LMNTD1: variants seen among roughly 807,000 people sequenced by gnomAD.
LMNTD1 encodes the protein lamin tail domain-containing protein 1.
In LMNTD1, 35 loss-of-function variants were observed where a neutral mutation model predicts 50.9. The observed-to-expected ratio is 0.69, with a 90% CI of 0.53 to 0.91. LMNTD1 has a LOEUF of 0.91. Among genes scored for constraint, LMNTD1 ranks in the 40% least tolerant of loss-of-function variants. LMNTD1 has a pLI of 0.00. For missense variants in LMNTD1, 470 were observed against 475.5 expected (o/e 0.99, Z 0.11); for synonymous variants, 153 against 161.9 (o/e 0.94, Z 0.42).
chr12:25,603,903 G>A (rs1946036277), intron 1 of LMNTD1, among the ~76,000 whole-genome samples: 1 of 151,758 alleles, frequency 6.6e-6, no homozygotes, highest in African/African-American at 2.4e-5. Context: ...TGCAAGTCAG[G>A]GAAATTGTAG....
chr12:25,481,591 T>C (rs1311153344), intron 9 of LMNTD1, among the ~76,000 whole-genome samples: 1 of 151,968 alleles, frequency 6.6e-6, no homozygotes, highest in Non-Finnish European at 1.5e-5. Flanking sequence ...AATGCTGCCA[T>C]ATTTTGGGAA....
intron 4 of LMNTD1, among the ~76,000 whole-genome samples, chr12:25,535,887 A>G (rs1942544663): frequency 6.6e-6 from 1 of 152,186 alleles, no homozygotes; most frequent in African/African-American, 2.4e-5. Context: ...ATGGAAAAAT[A>G]TATACCATGC....
intron 4 of LMNTD1, among the ~76,000 whole-genome samples, chr12:25,533,870 T>C (rs1160001194): frequency 1.3e-5 from 2 of 152,184 alleles, no homozygotes; most frequent in African/African-American, 4.8e-5. Context: ...GCCTCAAAAT[T>C]GTTTTAAACC....
intron 9 of LMNTD1, among the ~76,000 whole-genome samples, chr12:25,477,771 A>C (rs1411766955): frequency 6.6e-6 from 1 of 152,088 alleles, no homozygotes; most frequent in Non-Finnish European, 1.5e-5. Flanking sequence ...AAGGGATACC[A>C]TATATATACA....
At chr12:25,607,979 G>T (rs1246393430) in intron 1 of LMNTD1, among the ~76,000 whole-genome samples, 1 of 152,182 alleles carries the variant, frequency 6.6e-6, no homozygotes, top group Non-Finnish European at 1.5e-5. Context: ...AAGTCTCTTT[G>T]TAGGTCTCTC....
chr12:25,554,871 C>G (rs772552623), upstream of LMNTD1, among the ~76,000 whole-genome samples: 6 of 152,046 alleles, frequency 3.9e-5, no homozygotes, highest in Non-Finnish European at 7.4e-5. Flanking sequence ...CAAGACCAGT[C>G]TGGCCAACAT....
chr12:25,480,172 T>G (rs533572120), intron 9 of LMNTD1, among the ~76,000 whole-genome samples: 108 of 152,356 alleles, frequency 7.1e-4, no homozygotes, highest in Non-Finnish European at 4.4e-4. Context: ...CCAGACTTAT[T>G]CACACCTTCT....
At chr12:25,603,506 A>T (rs952538759) in intron 1 of LMNTD1, among the ~76,000 whole-genome samples, 10 of 152,042 alleles carry the variant, frequency 6.6e-5, no homozygotes, top group African/African-American at 2.4e-4. Flanking sequence ...TTAATTAGGA[A>T]ATAAGTTCTA....
At chr12:25,622,244 A>G (rs1211590112) in intron 1 of LMNTD1, among the ~76,000 whole-genome samples, 1 of 152,088 alleles carries the variant, frequency 6.6e-6, no homozygotes, top group Non-Finnish European at 1.5e-5. Context: ...GTATGATAAA[A>G]ACACTCAATA....
chr12:25,585,033 T>A (rs1945460888), intron 1 of LMNTD1, among the ~76,000 whole-genome samples: 1 of 152,244 alleles, frequency 6.6e-6, no homozygotes, highest in Non-Finnish European at 1.5e-5. Context: ...GCTGATTTTT[T>A]AATAAAGGGT....
intron 1 of LMNTD1, among the ~76,000 whole-genome samples, chr12:25,613,776 GAGAGAAAGTATTTGGAAAT>G (rs145634389): frequency 0.49 from 74,359 of 151,930 alleles, 21,726 homozygotes; most frequent in Non-Finnish European, 0.67. Context: ...ACATTGGAAA[GAGAGAAAGTATTTGGAAAT>G]ACTTTCACTT....
At chr12:25,525,977 AT>A (rs2136080503) in intron 6 of LMNTD1, 121 bp downstream of exon 6, 1 of 625,926 alleles carries the variant, frequency 1.6e-6, no homozygotes, top group Non-Finnish European at 2.3e-6. Context: ...CATAAAGTCA[AT>A]TTTACTGACA....
intron 9 of LMNTD1, among the ~76,000 whole-genome samples, chr12:25,496,978 G>C (rs987614578): frequency 6.6e-6 from 1 of 151,798 alleles, no homozygotes; most frequent in Admixed American, 6.6e-5. Flanking sequence ...TTTGTGTATG[G>C]CTTATCTCAT....
intron 1 of LMNTD1, among the ~76,000 whole-genome samples, chr12:25,639,184 A>G (rs1946899111): frequency 6.6e-6 from 1 of 152,206 alleles, no homozygotes; most frequent in African/African-American, 2.4e-5. Context: ...TCATAGACCT[A>G]TATGTAAGAG....
intron 4 of LMNTD1, among the ~76,000 whole-genome samples, chr12:25,527,885 AG>A (rs919683516): frequency 6.6e-6 from 1 of 151,638 alleles, no homozygotes. Context: ...TTTGAAGCAA[AG>A]CCTGGTCCAA....
chr12:25,598,849 G>A (rs1254236901), intron 1 of LMNTD1, among the ~76,000 whole-genome samples: 1 of 151,756 alleles, frequency 6.6e-6, no homozygotes, highest in Non-Finnish European at 1.5e-5. Context: ...CAAAATTGAA[G>A]CCATAAAAAA....
intron 8 of LMNTD1, among the ~76,000 whole-genome samples, chr12:25,510,082 G>A (rs970224202): frequency 5.3e-5 from 8 of 152,050 alleles, no homozygotes; most frequent in African/African-American, 1.7e-4. Context: ...AGACAACATC[G>A]GTATTATTTT....
At chr12:25,551,949 T>C (rs1442835711) in intron 2 of LMNTD1, among the ~76,000 whole-genome samples, 1 of 152,240 alleles carries the variant, frequency 6.6e-6, no homozygotes, top group Non-Finnish European at 1.5e-5. Context: ...AGCTCAAGTC[T>C]AGCATTTCAA....
intron 1 of LMNTD1, among the ~76,000 whole-genome samples, chr12:25,605,334 A>T (rs1284739661): frequency 6.6e-6 from 1 of 152,054 alleles, no homozygotes; most frequent in Non-Finnish European, 1.5e-5. Context: ...GCTGTGCAGA[A>T]GCTCTAGTTT....
Sources: allele counts gnomAD v4.1 joint callset (sites outside exome capture counted in the v4.1 genomes callset), GRCh38; gene constraint gnomAD v4.1.1; transcripts MANE v1.5; gene names NCBI Gene and HGNC (gene_info 2026-07-23, HGNC 2026-07-21).